The following CTC1 variants were observed in gnomAD, a reference collection of about 807,000 sequenced individuals.
CTC1 encodes the protein CST telomere replication complex component 1, also known as CST complex subunit CTC1.
In CTC1, 91 loss-of-function variants were observed where a neutral mutation model predicts 136.3. The ratio of observed to expected loss-of-function variants is 0.67; its 90% CI spans 0.56 to 0.79. The LOEUF (loss-of-function observed/expected upper bound fraction) is 0.79. Among genes scored for constraint, CTC1 ranks in the 30% least tolerant of loss-of-function variants. The probability of loss-of-function intolerance (pLI) is 0.00; values close to 1 mark genes in which losing one functional copy is unlikely to be tolerated. For synonymous variants in CTC1, 606 were observed against 613.8 expected (o/e 0.99, Z 0.19); for missense variants, 1,432 against 1,498.1 (o/e 0.96, Z 0.73).
chr17:8,235,819 G>A lies in CTC1; in HGVS notation c.1206+12C>T. On this transcript the variant is annotated intron_variant, in intron 7 of 22. Coordinates refer to ENST00000651323, the MANE Select transcript of CTC1 (RefSeq NM_025099.6). ...GAGGTCTCTTTTTGTTATCAGCCCT[G>A]ATCTCACATACCTGCAGACACACTC... 3 of 1,593,210 alleles carry A rather than the reference G, an allele frequency of 1.9e-6. No individual in the cohort carries two copies. Among genetic ancestry groups the A allele is most frequent in the Non-Finnish European group, 2.6e-6 (3 of 1,165,704 alleles).
Position 8,228,037 on chromosome 17 carries a change from CA to C in CTC1, c.*142del. The C allele has an allele frequency of 1.2e-6, 1 of 866,390 alleles. No individual in the cohort carries two copies. The highest frequency in any genetic ancestry group is 1.8e-6 in the Non-Finnish European group (1 of 569,816). 53.7% of individuals were successfully genotyped at this position (866,390 alleles called of 1,614,324 possible). A position where few individuals can be genotyped will look rare whatever the true frequency, so the allele number is the denominator to read the frequency against. The stretch of plus-strand genomic sequence containing the variant: ...CCAAGGCAGGCTGGCACCAGAACAC[CA>C]AAGAAGGGAAATTATAGTGGAGTAG... On this transcript the variant is annotated 3_prime_UTR_variant, in exon 23 of 23. Transcript: ENST00000651323.
rs139363589 is a variant in CTC1, at chr17:8,244,038, T to C, written c.34-890A>G. ...GAACCCAGATGGCGCCACTGCACTCTGGCCTGGGTGACAGAGTGAGACACT... is the reference window on the plus strand; with the variant it reads ...GAACCCAGATGGCGCCACTGCACTCCGGCCTGGGTGACAGAGTGAGACACT... On this transcript the variant is annotated intron_variant, in intron 1 of 22. Transcript: ENST00000651323. Among the ~76,000 whole-genome samples, 218 of 152,250 alleles carry C rather than the reference T, an allele frequency of 1.4e-3. 2 individuals are homozygous for C. The highest frequency in any genetic ancestry group is 5.1e-3 in the African/African-American group (214 of 41,558).
Position 8,231,421 on chromosome 17 carries a change from G to C in CTC1, c.2524C>G (p.Pro842Ala), listed in dbSNP as rs1354260622. ...KDGSSCISRR[P>A]LELAGCASCL... ...GATGCACAGCCAGCCAACTCCAGAG[G>C]ACGCCGAGATATGCAGGATGAACCA... Residue 842 changes from proline to alanine, a missense_variant, in exon 15 of 23, where the codon CCT becomes GCT. Transcript: ENST00000651323. The C allele has an allele frequency of 6.2e-7, 1 of 1,613,364 alleles. No homozygotes were observed. The highest frequency in any genetic ancestry group is 8.5e-7 in the Non-Finnish European group (1 of 1,179,676).
In CTC1 at chr17:8,229,379, C is replaced by T. The variant is rs374126761; in HGVS notation, c.3079G>A (p.Ala1027Thr). 67 of 1,614,158 alleles carry T rather than the reference C, an allele frequency of 4.2e-5. No homozygotes were observed. In the African/African-American group the frequency reaches 8.8e-4, roughly 21 times the overall value. Residue 1027 changes from alanine to threonine, a missense_variant, in exon 19 of 23, where the codon GCC (alanine) becomes ACC (threonine). Physicochemically the swap from Ala to Thr is moderately conservative, Grantham distance 58. Transcript: ENST00000651323. ...AAGACAGAGACGATATGGCAAGAGG[C>T]AGTGGCCTGGAATGGGGACTGACCA... ...QGGQSPFQAT[A>T]SCHIVSVFSL...
At chr17:8,242,927 C>T (rs1988391979) in intron 2 of CTC1, 58 bp downstream of exon 2, 4 of 1,491,500 alleles carry the variant, frequency 2.7e-6, no homozygotes, top group African/African-American at 1.4e-5. Context: ...CCTTACTTTT[C>T]AATCCTGAAT....
In CTC1 at chr17:8,238,234, G is replaced by T. The variant is rs542910040; in HGVS notation, c.444C>A (p.Asp148Glu). Reference sequence around the variant, plus strand: ...GATGGCCCAACCAAGAAAGGTCCAGGTCTATGAGCTAAGAAAGACCAAGAG... The same window carrying T: ...GATGGCCCAACCAAGAAAGGTCCAGTTCTATGAGCTAAGAAAGACCAAGAG... ...NTGVLSCELI[D>E]LDLSWLGHLF... The change falls in exon 4 of 23, where the codon GAC becomes GAA. Residue 148 changes from aspartate to glutamate, a missense_variant. By Grantham distance (45) the Asp-to-Glu change is conservative. Coordinates refer to ENST00000651323, the MANE Select transcript of CTC1 (RefSeq NM_025099.6). 5.6e-6 allele frequency: 9 copies of T among 1,604,536 alleles called. No individual in the cohort carries two copies. In the East Asian group the frequency reaches 2.0e-4, roughly 36 times the overall value.
At chr17:8,237,119 G>A (rs953018547) in intron 5 of CTC1, among the ~76,000 whole-genome samples, 1 of 150,770 alleles carries the variant, frequency 6.6e-6, no homozygotes, top group Non-Finnish European at 1.5e-5. Context: ...CTCCACAAGT[G>A]AGCGTGGCAG....
At chr17:8,235,028 C>T (rs377097486) in intron 8 of CTC1, 25 bp downstream of exon 8, 138 of 1,610,974 alleles carry the variant, frequency 8.6e-5, no homozygotes, top group Middle Eastern at 1.6e-4. Flanking sequence ...ACTGCCTCCC[C>T]GCCCTGGGCC....
At chr17:8,244,345 T>G (rs536438916) in intron 1 of CTC1, among the ~76,000 whole-genome samples, 1 of 152,172 alleles carries the variant, frequency 6.6e-6, no homozygotes, top group East Asian at 1.9e-4. Context: ...ACACTTGCCA[T>G]GATATGTAGA....
rs139375022 is a variant in CTC1 at position 8,243,908 on chromosome 17, C to A, written c.34-760G>T. Among the ~76,000 whole-genome samples the A allele has an allele frequency of 5.2e-3, 786 of 152,156 alleles. 1 individual carries two copies. Among genetic ancestry groups the A allele is most frequent in the South Asian group, 0.011 (54 of 4,820 alleles). ...ACAACATGGCGAAATCATGTCTCTA[C>A]AAAAATACAAAAAGCCAGGCGTGGT... On this transcript the variant is annotated intron_variant, in intron 1 of 22. Transcript: ENST00000651323.
intron 6 of CTC1, 38 bp from the exon 7 acceptor site, chr17:8,235,997 T>C: frequency 6.2e-7 from 1 of 1,600,016 alleles, no homozygotes. Flanking sequence ...CACTATTTTC[T>C]TCCTCTTTGA....
Position 8,235,846 on chromosome 17 carries a change from A to G in CTC1, c.1191T>C (p.Pro397=). 6.2e-7 allele frequency: 1 copy of G among 1,612,396 alleles called. No individual in the cohort carries two copies. The highest frequency in any genetic ancestry group is 8.5e-7 in the Non-Finnish European group (1 of 1,178,764). ...QFRGLRRVMR[P]GVCLQLQDVH... is the part of the protein sequence containing the mutation. ...TCTCACATACCTGCAGACACACTCC[A>G]GGTCGCATCACCCGCCTAAGGCCAC... The change falls in exon 7 of 23, where the codon CCT becomes CCC. Residue 397 remains proline, a synonymous_variant. Coordinates refer to ENST00000651323, the MANE Select transcript of CTC1 (RefSeq NM_025099.6).
chr17:8,247,868 C>A, intron 1 of CTC1, 136 bp downstream of exon 1: 2 of 815,296 alleles, frequency 2.5e-6, no homozygotes, highest in Admixed American at 2.2e-5. Context: ...TAGGAGCGGA[C>A]CGACTCACAA....
At position 8,238,782 on chromosome 17, in the gene CTC1, G is replaced by A. The variant is rs74252612; in HGVS notation, c.198-153C>T. On this transcript the variant is annotated intron_variant, in intron 2 of 22. Transcript: ENST00000651323. ...GATTGATTAAAGGGGTAAAACCTGG[G>A]GCTAAAGGCCTAAGAAAATAAGGAT... Among the ~76,000 whole-genome samples the A allele has an allele frequency of 0.15, 22,612 of 152,104 alleles. 2,183 individuals carry two copies. Among genetic ancestry groups the A allele is most frequent in the Non-Finnish European group, 0.22 (15,223 of 67,950 alleles).
intron 11 of CTC1, 131 bp downstream of exon 11, chr17:8,232,775 C>CA: frequency 8.1e-7 from 1 of 1,238,714 alleles, no homozygotes; most frequent in Non-Finnish European, 1.1e-6. Context: ...ACAAGTCTCC[C>CA]AGAAGTTGTT....
intron 18 of CTC1, 110 bp from the exon 19 acceptor site, chr17:8,229,556 A>G: frequency 2.2e-6 from 2 of 894,760 alleles, no homozygotes; most frequent in East Asian, 2.4e-5. Flanking sequence ...GGATGGGGAC[A>G]GCAGTGGGTT....
In CTC1 at chr17:8,235,913, A is replaced by T; in HGVS notation, c.1124T>A (p.Leu375Gln). The T allele has an allele frequency of 1.2e-6, 2 of 1,613,696 alleles. No individual in the cohort carries two copies. The highest frequency in any genetic ancestry group is 1.7e-6 in the Non-Finnish European group (2 of 1,179,646). ...VLNEPAGLYE[L>Q]DGQLGLCLAY... is the part of the protein sequence containing the mutation. Reference sequence around the variant, plus strand: ...AAGGCAGAGCCCCAGCTGCCCATCCAGCTCATAGAGGCCAGCGGGCTCATT... The same window carrying T: ...AAGGCAGAGCCCCAGCTGCCCATCCTGCTCATAGAGGCCAGCGGGCTCATT... The change falls in exon 7 of 23, where the codon CTG becomes CAG. Residue 375 changes from leucine to glutamine, a missense_variant. Physicochemically the swap from Leu to Gln is moderately radical, Grantham distance 113. Coordinates refer to ENST00000651323, the MANE Select transcript of CTC1 (RefSeq NM_025099.6).
intron 10 of CTC1, 94 bp from the exon 11 acceptor site, chr17:8,233,126 C>A (rs1162093477): frequency 1.3e-4 from 166 of 1,323,368 alleles, no homozygotes; most frequent in Middle Eastern, 4.0e-4. Context: ...GGTAAAGCTA[C>A]AAAATGAACA....
At chr17:8,245,522 G>A (rs940553677) in intron 1 of CTC1, among the ~76,000 whole-genome samples, 1 of 151,916 alleles carries the variant, frequency 6.6e-6, no homozygotes, top group South Asian at 2.1e-4. Context: ...CCTGTTTCTC[G>A]GATGGCCTAT....
Sources: gnomAD v4.1 joint callset for allele counts (sites outside exome capture counted in the v4.1 genomes callset) on GRCh38, gnomAD v4.1.1 for gene constraint, MANE v1.5 for transcripts, NCBI Gene and HGNC (gene_info 2026-07-23, HGNC 2026-07-21) for gene names.